EMB: variants seen among roughly 807,000 people sequenced by gnomAD.
EMB encodes embigin homolog.
EMB carries 31 observed loss-of-function variants against 41.4 expected under a neutral mutation model. That is an observed-to-expected ratio of 0.75 (90% CI 0.56 to 1.01). The LOEUF (loss-of-function observed/expected upper bound fraction) is 1.01, where lower values mean the gene tolerates loss of function less well. Among genes scored for constraint, EMB ranks in the 50% least tolerant of loss-of-function variants. The pLI, the probability that EMB is intolerant of heterozygous loss-of-function variation, is 0.00. For missense variants in EMB, 379 were observed against 388.3 expected (o/e 0.98, Z 0.20); for synonymous variants, 137 against 140.4 (o/e 0.98, Z 0.17).
intron 1 of EMB, among the ~76,000 whole-genome samples, chr5:50,429,787 C>G (rs1313036477): frequency 6.6e-6 from 1 of 152,108 alleles, no homozygotes; most frequent in East Asian, 1.9e-4. Context: ...ACTAGGCTAT[C>G]AAGTATACAA....
At chr5:50,404,976 T>C (rs1745224405) in intron 5 of EMB, among the ~76,000 whole-genome samples, 1 of 151,972 alleles carries the variant, frequency 6.6e-6, no homozygotes, top group African/African-American at 2.4e-5. Flanking sequence ...TCTACAATTA[T>C]AGCTTGCCTT....
chr5:50,440,929 C>T, intron 1 of EMB, 111 bp downstream of exon 1: 1 of 694,666 alleles, frequency 1.4e-6, no homozygotes, highest in Non-Finnish European at 2.1e-6. Context: ...AGCATCCCCG[C>T]GCCTCTCCCC....
intron 1 of EMB, among the ~76,000 whole-genome samples, chr5:50,437,165 G>A (rs1745817575): frequency 6.6e-6 from 1 of 152,142 alleles, no homozygotes; most frequent in African/African-American, 2.4e-5. Context: ...CAGCCATGTG[G>A]GAGGCTGAAG....
intron 7 of EMB, among the ~76,000 whole-genome samples, chr5:50,400,858 C>G (rs1745150028): frequency 6.6e-6 from 1 of 152,036 alleles, no homozygotes; most frequent in Non-Finnish European, 1.5e-5. Flanking sequence ...CCATTCCACA[C>G]TGTTCTGGTA....
chr5:50,431,878 A>G (rs1020187749), intron 1 of EMB, among the ~76,000 whole-genome samples: 3 of 152,240 alleles, frequency 2.0e-5, no homozygotes, highest in African/African-American at 7.2e-5. Context: ...AGTGAGTAAC[A>G]TCTTAATTTT....
At chr5:50,440,305 G>A (rs1745877833) in intron 1 of EMB, among the ~76,000 whole-genome samples, 1 of 152,032 alleles carries the variant, frequency 6.6e-6, no homozygotes. Flanking sequence ...AGGCCGAAGC[G>A]GGCGGATCAC....
chr5:50,416,777 C>T lies in EMB; in HGVS notation c.197-5394G>A, dbSNP rs187931477. Among the ~76,000 whole-genome samples the T allele has an allele frequency of 5.3e-5, 8 of 152,204 alleles. No individual in the cohort carries two copies. The East Asian group carries it at 1.2e-3, about 22-fold the overall frequency. On this transcript the variant is annotated intron_variant, in intron 2 of 8. Coordinates refer to ENST00000303221, the MANE Select transcript of EMB (RefSeq NM_198449.3). ...ACTGACAGAAACAAGGAAGAGGCAA[C>T]GAAAGATCCTCTCCGTAAGACACAC...
At chr5:50,425,329 C>G (rs1408315498) in intron 2 of EMB, among the ~76,000 whole-genome samples, 1 of 152,106 alleles carries the variant, frequency 6.6e-6, no homozygotes, top group Non-Finnish European at 1.5e-5. Context: ...GGGAGAGCTG[C>G]TCACATCTCA....
rs2111757868 is a variant in EMB at position 50,399,306 on chromosome 5, C to T, written c.967-16G>A. 1 of 1,606,036 alleles carries T rather than the reference C, an allele frequency of 6.2e-7. No individual in the cohort carries two copies. Among genetic ancestry groups the T allele is most frequent in the Non-Finnish European group, 8.5e-7 (1 of 1,175,642 alleles). On this transcript the variant is annotated splice_polypyrimidine_tract_variant and intron_variant, in intron 8 of 8. Transcript: ENST00000303221. ...CCAGAGACTCCTGAGTTAAATAAAGCATAATCAAATATAATTAGTATGTTC... is the reference window on the plus strand; with the variant it reads ...CCAGAGACTCCTGAGTTAAATAAAGTATAATCAAATATAATTAGTATGTTC...
intron 1 of EMB, among the ~76,000 whole-genome samples, chr5:50,440,251 C>A (rs183689769): frequency 6.6e-6 from 1 of 152,066 alleles, no homozygotes; most frequent in Non-Finnish European, 1.5e-5. Context: ...AAAACATCCT[C>A]GGCAAGGTGA....
At chr5:50,409,419 C>A (rs1426878113) in intron 4 of EMB, among the ~76,000 whole-genome samples, 1 of 151,978 alleles carries the variant, frequency 6.6e-6, no homozygotes, top group Non-Finnish European at 1.5e-5. Context: ...AGTTGAATAT[C>A]TTGGGAGCAC....
intron 2 of EMB, among the ~76,000 whole-genome samples, chr5:50,423,877 T>A (rs912235442): frequency 1.3e-5 from 2 of 152,210 alleles, no homozygotes; most frequent in African/African-American, 4.8e-5. Context: ...CAGGAAACAC[T>A]GGGAATCTTT....
Position 50,397,435 on chromosome 5 carries a change from T to C in EMB, c.*1838A>G, listed in dbSNP as rs1403844470. On this transcript the variant is annotated 3_prime_UTR_variant, in exon 9 of 9. Coordinates refer to ENST00000303221, the MANE Select transcript of EMB (RefSeq NM_198449.3). ...GAAATATTCCTGATTATTTTACCTT[T>C]GGGAAGCAATGCTTGTTGCTTGAAA... is the stretch of plus-strand genomic sequence containing the variant. 6.6e-6 allele frequency: 1 copy of C among 152,152 alleles called. No homozygotes were observed. The highest frequency in any genetic ancestry group is 1.5e-5 in the Non-Finnish European group (1 of 68,016). The allele number at this position is 152,152 out of a possible 1,614,324, so 9.4% of individuals were successfully genotyped here.
intron 4 of EMB, among the ~76,000 whole-genome samples, chr5:50,407,197 T>A (rs1266327689): frequency 6.6e-6 from 1 of 152,024 alleles, no homozygotes; most frequent in East Asian, 1.9e-4. Context: ...TGAAAATATG[T>A]GTTGAAATAG....
chr5:50,422,515 G>A (rs1218340803), intron 2 of EMB, among the ~76,000 whole-genome samples: 2 of 152,146 alleles, frequency 1.3e-5, no homozygotes, highest in Non-Finnish European at 2.9e-5. Flanking sequence ...AAGCTATCAG[G>A]AAAAGGAGAA....
intron 1 of EMB, among the ~76,000 whole-genome samples, chr5:50,434,669 G>T (rs956445432): frequency 2.0e-5 from 3 of 152,060 alleles, no homozygotes; most frequent in African/African-American, 7.3e-5. Context: ...TTCTGGTTTG[G>T]GATTAGGGAC....
chr5:50,404,169 T>C (rs1206915109), intron 5 of EMB, among the ~76,000 whole-genome samples: 1 of 151,990 alleles, frequency 6.6e-6, no homozygotes, highest in Non-Finnish European at 1.5e-5. Context: ...TCCCAAGCCA[T>C]TTGATGCTTT....
chr5:50,442,678 G>T (rs2111889489), upstream of EMB, among the ~76,000 whole-genome samples: 1 of 152,290 alleles, frequency 6.6e-6, no homozygotes, highest in South Asian at 2.1e-4. Context: ...CCCTCTGAGG[G>T]CATTGACTGG....
At chr5:50,427,981 C>T (rs984554016) in intron 2 of EMB, among the ~76,000 whole-genome samples, 163 bp downstream of exon 2, 5 of 152,174 alleles carry the variant, frequency 3.3e-5, no homozygotes, top group Admixed American at 6.6e-5. Context: ...CCCAGTAAAA[C>T]GTCCTCACCA....
Sources: allele counts gnomAD v4.1 joint callset (sites outside exome capture counted in the v4.1 genomes callset), GRCh38; gene constraint gnomAD v4.1.1; transcripts MANE v1.5; gene names NCBI Gene and HGNC (gene_info 2026-07-23, HGNC 2026-07-21).